AKNA: variants seen among roughly 807,000 people sequenced by gnomAD.
AKNA encodes microtubule organization protein AKNA.
In AKNA, 67 loss-of-function variants were observed where a neutral mutation model predicts 138.8. That is an observed-to-expected ratio of 0.48 (90% CI 0.40 to 0.59). The LOEUF is 0.59. AKNA is among the 20% of genes least tolerant of loss of function. The probability of loss-of-function intolerance (pLI) is 0.00; values close to 1 mark genes in which losing one functional copy is unlikely to be tolerated. For synonymous variants in AKNA, 737 were observed against 754.4 expected (o/e 0.98, Z 0.38); for missense variants, 1,813 against 1,880.4 (o/e 0.96, Z 0.66).
intron 8 of AKNA, 123 bp from the exon 9 acceptor site, chr9:114,362,034 CT>C: frequency 1.0e-6 from 1 of 971,700 alleles, no homozygotes; most frequent in Non-Finnish European, 1.5e-6. Flanking sequence ...TAATATCAGC[CT>C]TTAGATGATG....
At chr9:114,384,436 T>C (rs1292397901) in intron 1 of AKNA, among the ~76,000 whole-genome samples, 1 of 152,108 alleles carries the variant, frequency 6.6e-6, no homozygotes, top group East Asian at 1.9e-4. Context: ...AGAAAATATA[T>C]ACAGGTGACC....
In AKNA at chr9:114,347,427, T is replaced by C. The variant is rs561548046; in HGVS notation, c.3398+297A>G. On this transcript the variant is annotated intron_variant, in intron 16 of 21. Transcript: ENST00000374088. ...TAGAGACAGGGTTTCACCATGTTGG[T>C]CAGGCTGGTTTCGAACTCCTGAACT... Among the ~76,000 whole-genome samples, 5 of 152,058 alleles carry C rather than the reference T, an allele frequency of 3.3e-5. No homozygotes were observed. In the South Asian group the frequency reaches 8.3e-4, roughly 25 times the overall value.
Position 114,357,978 on chromosome 9 carries a change from G to A in AKNA, c.2682C>T (p.Gly894=). The A allele has an allele frequency of 6.2e-7, 1 of 1,603,560 alleles. No individual in the cohort carries two copies. The highest frequency in any genetic ancestry group is 8.5e-7 in the Non-Finnish European group (1 of 1,175,502). ...GCTTCTGTGGAAGGCGCTCAGAGAT[G>A]CCGCTTCCCTCCAGGCTGGTCATAC... ...QSSMTSLEGS[G]ISERLPQKPL... is the part of the protein sequence containing the mutation. Residue 894 remains glycine, a synonymous_variant, in exon 12 of 22, where the codon GGC becomes GGT. Coordinates refer to ENST00000374088, the MANE Select transcript of AKNA (RefSeq NM_001317950.2).
chr9:114,367,517 G>C, intron 6 of AKNA, 26 bp downstream of exon 6: 1 of 1,609,972 alleles, frequency 6.2e-7, no homozygotes, highest in Non-Finnish European at 8.5e-7. Context: ...TAAGTCTCTC[G>C]GGGGCAAAGC....
At position 114,381,108 on chromosome 9, in the gene AKNA, G is replaced by A. The variant is rs1364845928; in HGVS notation, c.226C>T (p.Gln76Ter). 1 of 1,607,322 alleles carries A rather than the reference G, an allele frequency of 6.2e-7. No homozygotes were observed. The highest frequency in any genetic ancestry group is 1.1e-5 in the South Asian group (1 of 90,316). The change falls in exon 2 of 22, where the codon CAG becomes TAG. Residue 76 changes from glutamine to a stop codon, truncating the protein, a stop_gained. Transcript: ENST00000374088. LOFTEE classifies it high-confidence loss of function. Reference sequence around the variant, plus strand: ...TCGGAATCCTGATGCCCATCGGGCTGCGGGTGTGGGTCCCACTCCAGGGGC... The same window carrying A: ...TCGGAATCCTGATGCCCATCGGGCTACGGGTGTGGGTCCCACTCCAGGGGC... ...LPPLEWDPHPQPDGHQDSESG... is the reference protein window; with the variant it reads ...LPPLEWDPHP
intron 15 of AKNA, among the ~76,000 whole-genome samples, chr9:114,348,338 GT>G (rs1310406400): frequency 6.6e-6 from 1 of 152,202 alleles, no homozygotes; most frequent in African/African-American, 2.4e-5. Flanking sequence ...GAAGATGCTT[GT>G]CCACCATCTC....
At chr9:114,398,400 A>T (rs1834604605), upstream of AKNA, 1 of 151,936 alleles carries the variant, frequency 6.6e-6, no homozygotes, top group Admixed American at 6.5e-5. The surrounding 1 kb of genome is among the most constrained non-coding windows in gnomAD (Gnocchi z 4.2). Flanking sequence ...AGGGACAGGG[A>T]CCACCCCGGA....
At chr9:114,367,982 G>A (rs915956471) in intron 5 of AKNA, among the ~76,000 whole-genome samples, 2 of 152,248 alleles carry the variant, frequency 1.3e-5, no homozygotes, top group Non-Finnish European at 2.9e-5. Flanking sequence ...ACAGGGAGAC[G>A]TGAGTTCCAA....
chr9:114,339,868 G>A (rs934760047), intron 21 of AKNA, among the ~76,000 whole-genome samples: 5 of 152,288 alleles, frequency 3.3e-5, no homozygotes, highest in South Asian at 2.1e-4. Context: ...AGGCCAATGC[G>A]GGCAGATCAC....
chr9:114,373,433 A>G (rs911885768), intron 4 of AKNA, among the ~76,000 whole-genome samples: 1 of 152,096 alleles, frequency 6.6e-6, no homozygotes, highest in African/African-American at 2.4e-5. Flanking sequence ...AAAAACAAGC[A>G]CCAGGGGCTG....
chr9:114,367,469 A>T, intron 6 of AKNA, 74 bp downstream of exon 6: 1 of 1,552,044 alleles, frequency 6.4e-7, no homozygotes, highest in Non-Finnish European at 8.7e-7. Flanking sequence ...AGTGCCTCTC[A>T]CCCAAGCAGG....
intron 9 of AKNA, among the ~76,000 whole-genome samples, chr9:114,360,980 G>A (rs1006574799): frequency 5.3e-5 from 8 of 151,856 alleles, no homozygotes; most frequent in South Asian, 2.1e-4. Flanking sequence ...TCCCTCTCAC[G>A]GCCACTCCAA....
chr9:114,338,173 C>T (rs1343233904), intron 21 of AKNA, among the ~76,000 whole-genome samples: 1 of 152,222 alleles, frequency 6.6e-6, no homozygotes, highest in Non-Finnish European at 1.5e-5. Flanking sequence ...ACACTGTAAA[C>T]TCTGGCTTTA....
At chr9:114,379,077 A>G (rs1833449394) in intron 2 of AKNA, among the ~76,000 whole-genome samples, 1 of 152,234 alleles carries the variant, frequency 6.6e-6, no homozygotes, top group Non-Finnish European at 1.5e-5. Context: ...AAGATCACCC[A>G]GTGGTTCCCT....
At chr9:114,360,833 G>GTC (rs1269178518) in intron 9 of AKNA, among the ~76,000 whole-genome samples, 2 of 152,220 alleles carry the variant, frequency 1.3e-5, no homozygotes, top group Non-Finnish European at 2.9e-5. Context: ...GATAGTGATT[G>GTC]TCTCTCAAGG....
intron 21 of AKNA, among the ~76,000 whole-genome samples, chr9:114,340,030 T>G (rs995272644): frequency 6.6e-6 from 1 of 152,194 alleles, no homozygotes; most frequent in Non-Finnish European, 1.5e-5. Flanking sequence ...ATCTTGGAGA[T>G]GGGGGTTGCA....
Position 114,387,874 on chromosome 9 carries a change from A to G in AKNA, c.-128T>C, listed in dbSNP as rs1455296374. On this transcript the variant is annotated 5_prime_UTR_variant, in exon 1 of 22. Coordinates refer to ENST00000374088, the MANE Select transcript of AKNA (RefSeq NM_001317950.2). ...CAATCCCTTACCTCTCTCGGGCTCC[A>G]CCACCGTCCTGCCGACCCAGTTTCA... is the stretch of plus-strand genomic sequence containing the variant. The G allele has an allele frequency of 4.4e-6, 2 of 454,466 alleles. No homozygotes were observed. Among genetic ancestry groups the G allele is most frequent in the African/African-American group, 4.0e-5 (2 of 49,988 alleles). The allele number at this position is 454,466 out of a possible 1,614,324, so 28.2% of individuals were successfully genotyped here. A position where few individuals can be genotyped will look rare whatever the true frequency, so the allele number is the denominator to read the frequency against.
chr9:114,354,166 T>C (rs985548159), intron 14 of AKNA, among the ~76,000 whole-genome samples: 1 of 152,192 alleles, frequency 6.6e-6, no homozygotes, highest in Non-Finnish European at 1.5e-5. Context: ...TTGATATCCT[T>C]ATAAGCTTTT....
chr9:114,345,917 C>A lies in AKNA; in HGVS notation c.3607G>T (p.Gly1203Trp). 1 of 1,614,076 alleles carries A rather than the reference C, an allele frequency of 6.2e-7. No homozygotes were observed. The highest frequency in any genetic ancestry group is 8.5e-7 in the Non-Finnish European group (1 of 1,179,942). ...TCTGGCCATCCAGCACTGCCCACCC[C>A]TCTCTTTCCATCCCGAGCTGCCTGT... ...SPQAARDGKR[G>W]VGSAGWPDRV... Residue 1203 changes from glycine (G) to tryptophan (W), a missense_variant, in exon 18 of 22, where the codon GGG (glycine) becomes TGG (tryptophan). Transcript: ENST00000374088.
Sources: allele counts gnomAD v4.1 joint callset (sites outside exome capture counted in the v4.1 genomes callset), GRCh38; gene constraint gnomAD v4.1.1; non-coding constraint Gnocchi (gnomAD v3.1); transcripts MANE v1.5; gene names NCBI Gene and HGNC (gene_info 2026-07-23, HGNC 2026-07-21).